GLIS1: variants seen among roughly 807,000 people sequenced by gnomAD.
GLIS1 encodes the protein GLIS family zinc finger 1.
A neutral mutation model predicts 63.8 loss-of-function variants in GLIS1; 24 were observed. The observed-to-expected ratio is 0.38, with a 90% CI of 0.27 to 0.53. The LOEUF (loss-of-function observed/expected upper bound fraction) is 0.53, where lower values mean the gene tolerates loss of function less well. Among genes scored for constraint, GLIS1 ranks in the 20% least tolerant of loss-of-function variants. The pLI, the probability that GLIS1 is intolerant of heterozygous loss-of-function variation, is 0.85. For missense variants in GLIS1, 1,036 were observed against 1,074.1 expected (o/e 0.96, Z 0.50); for synonymous variants, 450 against 482.5 (o/e 0.93, Z 0.88).
intron 2 of GLIS1, among the ~76,000 whole-genome samples, chr1:53,636,145 G>A (rs1433611520): frequency 1.3e-5 from 2 of 152,164 alleles, no homozygotes; most frequent in Non-Finnish European, 2.9e-5. Context: ...CTATAAGAAA[G>A]GAAAATTACA....
chr1:53,612,302 C>A (rs1041384215), intron 2 of GLIS1, among the ~76,000 whole-genome samples: 1 of 152,102 alleles, frequency 6.6e-6, no homozygotes, highest in African/African-American at 2.4e-5. Flanking sequence ...TGCAGTGGCG[C>A]GATCTCGGCT....
At chr1:53,612,453 A>G (rs1172773168) in intron 2 of GLIS1, among the ~76,000 whole-genome samples, 2 of 151,912 alleles carry the variant, frequency 1.3e-5, no homozygotes, top group Non-Finnish European at 2.9e-5. Context: ...TGTTAGCCAG[A>G]ATAGTCTCAA....
chr1:53,679,242 G>GC (rs1646249173), intron 2 of GLIS1, among the ~76,000 whole-genome samples: 1 of 152,214 alleles, frequency 6.6e-6, no homozygotes, highest in African/African-American at 2.4e-5. Flanking sequence ...AGCCACAAAT[G>GC]CCCCCAGCAG....
At position 53,598,499 on chromosome 1, in the gene GLIS1, C is replaced by T. The variant is rs1645282491; in HGVS notation, c.437+1602G>A. On this transcript the variant is annotated intron_variant, in intron 3 of 10. Transcript: ENST00000628545. This position sits in a 1 kb window ranked among gnomAD's most constrained non-coding sequence, Gnocchi z 4.6. ...GCAGCGAGCCAACATTGTGCCACTG[C>T]ACTCCAGCCTGGGTGACAGAGTCAG... 6.6e-6 allele frequency among the ~76,000 whole-genome samples: 1 copy of T among 151,792 alleles called. No homozygotes were observed. Among genetic ancestry groups the T allele is most frequent in the African/African-American group, 2.4e-5 (1 of 41,280 alleles).
chr1:53,582,593 T>C (rs1645097234), intron 4 of GLIS1, among the ~76,000 whole-genome samples: 1 of 152,146 alleles, frequency 6.6e-6, no homozygotes. Context: ...TTCCTCCCAG[T>C]GCACATGACA....
chr1:53,731,350 A>G (rs529667695), intron 2 of GLIS1, among the ~76,000 whole-genome samples: 20 of 152,300 alleles, frequency 1.3e-4, no homozygotes, highest in Middle Eastern at 6.8e-3. Flanking sequence ...GTCGCACCTC[A>G]GCCTGTTGGC....
rs897089207 is a variant in GLIS1, at chr1:53,574,873, C to T, written c.1320+19235G>A. Among the ~76,000 whole-genome samples the T allele has an allele frequency of 1.3e-5, 2 of 152,154 alleles. No individual in the cohort carries two copies. The highest frequency in any genetic ancestry group is 6.5e-5 in the Admixed American group (1 of 15,288). On this transcript the variant is annotated intron_variant, in intron 4 of 10. Coordinates refer to ENST00000628545, the MANE Select transcript of GLIS1 (RefSeq NM_001367484.1). The surrounding 1 kb of genome is among the most constrained non-coding windows in gnomAD (Gnocchi z 4.2). ...GCCCGTTGGAGGGAGGATGTCTTCC[C>T]TCGCCCACAGTCAGGCTCCTTCACA... is the stretch of plus-strand genomic sequence containing the variant.
At chr1:53,657,120 C>T in intron 2 of GLIS1, among the ~76,000 whole-genome samples, 1 of 152,158 alleles carries the variant, frequency 6.6e-6, no homozygotes, top group East Asian at 1.9e-4. Context: ...GCACCGGGGG[C>T]CTTTTAGTGT....
intron 2 of GLIS1, among the ~76,000 whole-genome samples, chr1:53,712,199 C>G (rs1359841228): frequency 6.6e-6 from 1 of 152,242 alleles, no homozygotes; most frequent in Non-Finnish European, 1.5e-5. Context: ...TTTGCACAGA[C>G]AGTCTTTGCC....
chr1:53,618,740 A>G (rs1645508903), intron 2 of GLIS1, among the ~76,000 whole-genome samples: 1 of 152,114 alleles, frequency 6.6e-6, no homozygotes, highest in Non-Finnish European at 1.5e-5. Flanking sequence ...TGCCAAGGAG[A>G]AAGCCTGTCC....
At chr1:53,634,121 A>G (rs1645699200) in intron 2 of GLIS1, among the ~76,000 whole-genome samples, 1 of 152,178 alleles carries the variant, frequency 6.6e-6, no homozygotes, top group South Asian at 2.1e-4. Context: ...GATGGAGACG[A>G]TGGGAGAAGG....
At chr1:53,666,213 T>C (rs758529177) in intron 2 of GLIS1, among the ~76,000 whole-genome samples, 76 of 152,192 alleles carry the variant, frequency 5.0e-4, no homozygotes, top group Admixed American at 1.5e-3. Flanking sequence ...ACTGAGCACC[T>C]GCTATGTGCC....
chr1:53,722,822 C>A (rs1436346258), intron 2 of GLIS1, among the ~76,000 whole-genome samples: 1 of 148,394 alleles, frequency 6.7e-6, no homozygotes. Flanking sequence ...GACAGTGAGA[C>A]CCCGTCTCAA....
chr1:53,715,727 G>C (rs541166599), intron 2 of GLIS1, among the ~76,000 whole-genome samples: 51 of 152,118 alleles, frequency 3.4e-4, no homozygotes, highest in African/African-American at 1.0e-3. Context: ...TGGTCACTGT[G>C]CCTAATGTTA....
chr1:53,652,695 A>G (rs1476623301), intron 2 of GLIS1, among the ~76,000 whole-genome samples: 1 of 152,126 alleles, frequency 6.6e-6, no homozygotes, highest in East Asian at 1.9e-4. Context: ...GTGTTTCCCG[A>G]GGCTCCTCGG....
At chr1:53,727,754 C>T (rs1162342548) in intron 2 of GLIS1, among the ~76,000 whole-genome samples, 2 of 152,012 alleles carry the variant, frequency 1.3e-5, no homozygotes, top group African/African-American at 2.4e-5. Context: ...AGTGAGGAGA[C>T]TCCCCCAGGG....
At chr1:53,638,276 G>A (rs990936503) in intron 2 of GLIS1, among the ~76,000 whole-genome samples, 1 of 152,168 alleles carries the variant, frequency 6.6e-6, no homozygotes, top group African/African-American at 2.4e-5. Context: ...CCACAGGCCC[G>A]CATGGTGCTG....
At chr1:53,517,205 G>C (rs954000439) in intron 7 of GLIS1, among the ~76,000 whole-genome samples, 1 of 152,038 alleles carries the variant, frequency 6.6e-6, no homozygotes, top group Non-Finnish European at 1.5e-5. Context: ...TCCAGCTCAG[G>C]TGATGGTCTG....
intron 2 of GLIS1, among the ~76,000 whole-genome samples, chr1:53,684,315 G>T (rs921424190): frequency 3.3e-5 from 5 of 152,166 alleles, no homozygotes; most frequent in African/African-American, 9.7e-5. Flanking sequence ...TGTATTTATG[G>T]AATGTGTGAA....
Sources: allele counts gnomAD v4.1 joint callset (sites outside exome capture counted in the v4.1 genomes callset), GRCh38; gene constraint gnomAD v4.1.1; non-coding constraint Gnocchi (gnomAD v3.1); transcripts MANE v1.5; gene names NCBI Gene and HGNC (gene_info 2026-07-23, HGNC 2026-07-21).